The following DTD1 variants were observed in gnomAD, a reference collection of about 807,000 sequenced individuals.
The protein encoded by DTD1 is D-tyrosyl-tRNA deacylase 1 homolog.
In DTD1, 13 loss-of-function variants were observed where a neutral mutation model predicts 25.6. That is an observed-to-expected ratio of 0.51 (90% CI 0.33 to 0.81). The LOEUF is 0.81. Among genes scored for constraint, DTD1 ranks in the 30% least tolerant of loss-of-function variants. The pLI, the probability that DTD1 is intolerant of heterozygous loss-of-function variation, is 0.02. For missense variants in DTD1, 193 were observed against 266.4 expected (o/e 0.72, Z 1.92); for synonymous variants, 110 against 103.6 (o/e 1.06, Z -0.37).
At chr20:18,712,950 C>T (rs566931455) in intron 4 of DTD1, among the ~76,000 whole-genome samples, 2 of 152,368 alleles carry the variant, frequency 1.3e-5, no homozygotes, top group East Asian at 3.9e-4. Context: ...TTGACTGTCA[C>T]CAGATCTCTC....
chr20:18,699,600 TA>T (rs1445532826), intron 4 of DTD1, among the ~76,000 whole-genome samples: 1 of 152,096 alleles, frequency 6.6e-6, no homozygotes, highest in African/African-American at 2.4e-5. Context: ...GGGATGGCTA[TA>T]AAGTGGAAGA....
intron 4 of DTD1, among the ~76,000 whole-genome samples, chr20:18,696,567 T>C (rs1452473233): frequency 1.3e-5 from 2 of 152,130 alleles, no homozygotes. Flanking sequence ...TTTGTTTTTG[T>C]TTTTGAGACA....
intron 5 of DTD1, among the ~76,000 whole-genome samples, chr20:18,756,469 G>A (rs1431731343): frequency 6.6e-6 from 1 of 152,218 alleles, no homozygotes; most frequent in Non-Finnish European, 1.5e-5. Context: ...AAGGGATCCA[G>A]TTTCAGCTTT....
At chr20:18,593,708 TC>T in intron 1 of DTD1, 22 bp from the exon 2 acceptor site, 1 of 1,596,738 alleles carries the variant, frequency 6.3e-7, no homozygotes, top group Non-Finnish European at 8.6e-7. Context: ...TGAGTTCTTC[TC>T]TCCCTTTTGG....
Position 18,763,970 on chromosome 20 carries a change from A to C in DTD1, c.*630A>C, listed in dbSNP as rs929194478. The C allele has an allele frequency of 4.6e-5, 7 of 151,452 alleles. No individual in the cohort carries two copies. Among genetic ancestry groups the C allele is most frequent in the African/African-American group, 1.7e-4 (7 of 41,154 alleles). The allele number at this position is 151,452 out of a possible 1,614,324, so 9.4% of individuals were successfully genotyped here. A position where few individuals can be genotyped will look rare whatever the true frequency, so the allele number is the denominator to read the frequency against. On this transcript the variant is annotated 3_prime_UTR_variant, in exon 6 of 6. Coordinates refer to ENST00000377452, the MANE Select transcript of DTD1 (RefSeq NM_080820.6). ...TGTCCATAGAAATGCAATGCGTCTG[A>C]CCTCTCTCTATGCGTATCTACACTT...
chr20:18,613,958 T>G (rs1283438379), intron 3 of DTD1, among the ~76,000 whole-genome samples: 1 of 152,202 alleles, frequency 6.6e-6, no homozygotes, highest in Non-Finnish European at 1.5e-5. Context: ...CCCACTGTTT[T>G]TCTTTTATAT....
intron 4 of DTD1, among the ~76,000 whole-genome samples, chr20:18,734,050 A>G (rs2061247811): frequency 6.6e-6 from 1 of 152,258 alleles, no homozygotes; most frequent in Non-Finnish European, 1.5e-5. Flanking sequence ...TGAGAAAACA[A>G]ATTATTCACA....
At chr20:18,615,839 T>C (rs1426317374) in intron 3 of DTD1, among the ~76,000 whole-genome samples, 1 of 152,190 alleles carries the variant, frequency 6.6e-6, no homozygotes, top group Non-Finnish European at 1.5e-5. Context: ...GTGTACTCCA[T>C]GGGACGTCCA....
chr20:18,704,332 G>T (rs868106242), intron 4 of DTD1, among the ~76,000 whole-genome samples: 1 of 152,126 alleles, frequency 6.6e-6, no homozygotes, highest in Non-Finnish European at 1.5e-5. Context: ...AGGTCATTTG[G>T]TCTCCAGTGA....
intron 4 of DTD1, among the ~76,000 whole-genome samples, chr20:18,727,475 T>A (rs2061226433): frequency 6.6e-6 from 1 of 152,042 alleles, no homozygotes; most frequent in Admixed American, 6.6e-5. Context: ...AACACCTTGA[T>A]GATGCTCTTC....
At chr20:18,709,843 G>C (rs1187269960) in intron 4 of DTD1, among the ~76,000 whole-genome samples, 1 of 152,082 alleles carries the variant, frequency 6.6e-6, no homozygotes, top group South Asian at 2.1e-4. Flanking sequence ...GGTCAGGGAG[G>C]GGTGGGACAC....
At chr20:18,670,886 G>T (rs1049720584) in intron 4 of DTD1, among the ~76,000 whole-genome samples, 1 of 152,240 alleles carries the variant, frequency 6.6e-6, no homozygotes, top group African/African-American at 2.4e-5. Flanking sequence ...TCAAGTGCTA[G>T]TGGCATTCAT....
chr20:18,642,426 A>AT (rs1339488774), intron 4 of DTD1, among the ~76,000 whole-genome samples: 1 of 151,568 alleles, frequency 6.6e-6, no homozygotes. Context: ...AGTTCTTTTT[A>AT]TTTATTTTAT....
At chr20:18,678,724 C>G (rs1040350037) in intron 4 of DTD1, 3 of 152,264 alleles carry the variant, frequency 2.0e-5, no homozygotes, top group Non-Finnish European at 2.9e-5. Flanking sequence ...CTCTACTTCC[C>G]CATTCCTCTT....
At chr20:18,664,323 T>C (rs922797783) in intron 4 of DTD1, among the ~76,000 whole-genome samples, 3 of 152,226 alleles carry the variant, frequency 2.0e-5, no homozygotes, top group Non-Finnish European at 4.4e-5. Flanking sequence ...AATAATACAA[T>C]GAATGCCTGG....
At chr20:18,588,619 C>A in intron 1 of DTD1, 1 of 500,902 alleles carries the variant, frequency 2.0e-6, no homozygotes, top group Non-Finnish European at 2.6e-6. Flanking sequence ...GCTCCTTGGG[C>A]TGAGCTTTGA....
At chr20:18,711,686 C>T (rs761173091) in intron 4 of DTD1, among the ~76,000 whole-genome samples, 4 of 152,086 alleles carry the variant, frequency 2.6e-5, no homozygotes, top group African/African-American at 9.7e-5. Context: ...AGGTCAAGGG[C>T]GGTATCTGGG....
chr20:18,679,778 T>G (rs2060989653), intron 4 of DTD1, among the ~76,000 whole-genome samples: 1 of 152,224 alleles, frequency 6.6e-6, no homozygotes, highest in Admixed American at 6.5e-5. Context: ...TGCAACCTGT[T>G]CTGTTAGCTT....
chr20:18,667,070 A>G (rs1313839649), intron 4 of DTD1, among the ~76,000 whole-genome samples: 1 of 152,212 alleles, frequency 6.6e-6, no homozygotes, highest in Non-Finnish European at 1.5e-5. Context: ...CATGACTTCC[A>G]GCAGGTGTGA....
Sources: gnomAD v4.1 joint callset for allele counts (sites outside exome capture counted in the v4.1 genomes callset) on GRCh38, gnomAD v4.1.1 for gene constraint, MANE v1.5 for transcripts, NCBI Gene and HGNC (gene_info 2026-07-23, HGNC 2026-07-21) for gene names.